The following SCFD2 variants were observed in gnomAD, a reference collection of about 807,000 sequenced individuals.
The protein encoded by SCFD2 is sec1 family domain containing 2, also known as sec1 family domain-containing protein 2.
A neutral mutation model predicts 58.9 loss-of-function variants in SCFD2; 54 were observed. The observed-to-expected ratio is 0.92, with a 90% CI of 0.74 to 1.15. The LOEUF (loss-of-function observed/expected upper bound fraction) is 1.15, where lower values mean the gene tolerates loss of function less well. SCFD2 is among the 50% of genes most tolerant of loss of function. The probability of loss-of-function intolerance (pLI) is 0.00; values close to 1 mark genes in which losing one functional copy is unlikely to be tolerated. For missense variants in SCFD2, 805 were observed against 836.6 expected (o/e 0.96, Z 0.47); for synonymous variants, 321 against 335.9 (o/e 0.96, Z 0.49).
intron 5 of SCFD2, among the ~76,000 whole-genome samples, chr4:53,138,863 C>A (rs1726020725): frequency 6.7e-6 from 1 of 148,496 alleles, no homozygotes; most frequent in South Asian, 2.2e-4. Flanking sequence ...TCTCCCCCTC[C>A]CCCTCCCCCT....
intron 4 of SCFD2, among the ~76,000 whole-genome samples, chr4:53,236,852 ATTTT>A (rs869043344): frequency 5.6e-5 from 6 of 107,660 alleles, no homozygotes; most frequent in African/African-American, 1.4e-4. Flanking sequence ...TTATTTATTT[ATTTT>A]TTATTGATAA....
chr4:53,289,156 G>A (rs1335931137), intron 3 of SCFD2, among the ~76,000 whole-genome samples: 1 of 152,136 alleles, frequency 6.6e-6, no homozygotes, highest in East Asian at 1.9e-4. Context: ...CCTGAGATCA[G>A]GAGTTTGAGA....
At chr4:53,236,718 T>C (rs181842495) in intron 4 of SCFD2, among the ~76,000 whole-genome samples, 1 of 150,906 alleles carries the variant, frequency 6.6e-6, no homozygotes, top group African/African-American at 2.4e-5. Flanking sequence ...AATTATATAT[T>C]TATATATTTA....
chr4:53,168,915 C>G (rs1727092949), intron 4 of SCFD2, among the ~76,000 whole-genome samples: 1 of 152,190 alleles, frequency 6.6e-6, no homozygotes, highest in South Asian at 2.1e-4. Context: ...ATGCCTCAGT[C>G]TCTGATAACT....
intron 4 of SCFD2, among the ~76,000 whole-genome samples, chr4:53,267,922 C>A (rs1320546343): frequency 1.3e-5 from 2 of 152,178 alleles, no homozygotes; most frequent in African/African-American, 4.8e-5. Context: ...GTAAGCTTAT[C>A]TAGAAAGATT....
chr4:53,171,394 A>G (rs1442174021), intron 4 of SCFD2, among the ~76,000 whole-genome samples: 1 of 152,186 alleles, frequency 6.6e-6, no homozygotes, highest in Non-Finnish European at 1.5e-5. Context: ...TCCTTTTGGT[A>G]TATTGTTGAA....
chr4:53,114,618 G>A (rs1175249774), intron 5 of SCFD2, among the ~76,000 whole-genome samples: 2 of 152,150 alleles, frequency 1.3e-5, no homozygotes, highest in East Asian at 3.9e-4. Flanking sequence ...TACATTCAAT[G>A]AAAACATTTT....
chr4:52,973,785 C>G (rs1030890991), intron 5 of SCFD2, among the ~76,000 whole-genome samples: 3 of 152,166 alleles, frequency 2.0e-5, no homozygotes, highest in Non-Finnish European at 4.4e-5. Flanking sequence ...TACTGGCAAA[C>G]CAAATCCAGC....
At chr4:52,966,366 C>T (rs181012299) in intron 5 of SCFD2, among the ~76,000 whole-genome samples, 173 of 152,332 alleles carry the variant, frequency 1.1e-3, no homozygotes, top group Non-Finnish European at 1.6e-3. Flanking sequence ...AGTCCTTTCC[C>T]AGGCAGTGCC....
chr4:53,062,701 A>AT (rs1723549105), intron 5 of SCFD2, among the ~76,000 whole-genome samples: 1 of 152,142 alleles, frequency 6.6e-6, no homozygotes, highest in Non-Finnish European at 1.5e-5. Flanking sequence ...ATTTTTAATA[A>AT]TTTACTCAGC....
At chr4:53,316,314 G>A (rs1314855231) in intron 2 of SCFD2, among the ~76,000 whole-genome samples, 2 of 152,186 alleles carry the variant, frequency 1.3e-5, no homozygotes, top group Admixed American at 6.5e-5. Context: ...ACCTAGAACA[G>A]TGCAGATCTC....
At chr4:53,283,340 G>A (rs1731563503) in intron 3 of SCFD2, among the ~76,000 whole-genome samples, 1 of 152,036 alleles carries the variant, frequency 6.6e-6, no homozygotes, top group Admixed American at 6.6e-5. Flanking sequence ...TACCATAACA[G>A]TTTCTTTATC....
At chr4:53,251,341 C>T (rs1429143661) in intron 4 of SCFD2, among the ~76,000 whole-genome samples, 1 of 152,090 alleles carries the variant, frequency 6.6e-6, no homozygotes, top group African/African-American at 2.4e-5. Flanking sequence ...TGAAACTATT[C>T]CAATCAATAG....
intron 5 of SCFD2, among the ~76,000 whole-genome samples, chr4:53,066,461 A>G (rs1723665980): frequency 6.6e-6 from 1 of 152,094 alleles, no homozygotes; most frequent in African/African-American, 2.4e-5. Context: ...GTTTTATGGT[A>G]TGTGTTCAAA....
chr4:53,322,067 T>C (rs1175841172), intron 2 of SCFD2, among the ~76,000 whole-genome samples: 3 of 152,148 alleles, frequency 2.0e-5, no homozygotes, highest in Admixed American at 6.5e-5. Context: ...TCAGAGGCGT[T>C]TGAACCAGAG....
At position 52,920,717 on chromosome 4, in the gene SCFD2, A is replaced by C. The variant is rs774205257; in HGVS notation, c.1707+8T>G. ...ATTAGAAGGTTACTTTAAAACGTAT[A>C]TACTTGCCTGGTGGGTATGATTTCC... On this transcript the variant is annotated splice_region_variant and intron_variant, in intron 6 of 8. Transcript: ENST00000401642. 51 of 1,581,138 alleles carry C rather than the reference A, an allele frequency of 3.2e-5. No homozygotes were observed. Among genetic ancestry groups the C allele is most frequent in the Non-Finnish European group, 4.3e-6 (5 of 1,161,596 alleles).
intron 2 of SCFD2, among the ~76,000 whole-genome samples, chr4:53,343,902 T>A (rs962175522): frequency 2.6e-5 from 4 of 152,156 alleles, no homozygotes; most frequent in African/African-American, 9.7e-5. Context: ...AAAATTCAAC[T>A]GCCCTTCATA....
chr4:53,163,679 A>G (rs1428625642), intron 4 of SCFD2, among the ~76,000 whole-genome samples: 2 of 152,092 alleles, frequency 1.3e-5, no homozygotes, highest in African/African-American at 4.8e-5. Flanking sequence ...GTAGGGAGTC[A>G]AGATCACACC....
At chr4:52,944,202 C>T (rs866111609) in intron 5 of SCFD2, among the ~76,000 whole-genome samples, 1 of 152,294 alleles carries the variant, frequency 6.6e-6, no homozygotes, top group Middle Eastern at 3.4e-3. Context: ...TGGACTAAGA[C>T]TGAGAATTCT....
Sources: gnomAD v4.1 joint callset for allele counts (sites outside exome capture counted in the v4.1 genomes callset) on GRCh38, gnomAD v4.1.1 for gene constraint, MANE v1.5 for transcripts, NCBI Gene and HGNC (gene_info 2026-07-23, HGNC 2026-07-21) for gene names.